The following NELL1 variants were observed in gnomAD, a reference collection of about 807,000 sequenced individuals.
The protein encoded by NELL1 is neural EGFL like 1.
In NELL1, 76 loss-of-function variants were observed where a neutral mutation model predicts 107.4. That is an observed-to-expected ratio of 0.71 (90% CI 0.59 to 0.86). The LOEUF (loss-of-function observed/expected upper bound fraction) is 0.86, where lower values mean the gene tolerates loss of function less well. NELL1 is among the 40% of genes least tolerant of loss of function. The pLI, the probability that NELL1 is intolerant of heterozygous loss-of-function variation, is 0.00. For missense variants in NELL1, 1,024 were observed against 1,005.5 expected (o/e 1.02, Z -0.25); for synonymous variants, 353 against 341.2 (o/e 1.03, Z -0.38).
chr11:21,013,926 T>G (rs1852507433), intron 12 of NELL1, among the ~76,000 whole-genome samples: 1 of 152,106 alleles, frequency 6.6e-6, no homozygotes, highest in Non-Finnish European at 1.5e-5. Flanking sequence ...TGGTCAGGTA[T>G]TTTTTTAGAA....
chr11:20,880,879 G>A (rs1849394997), intron 4 of NELL1, among the ~76,000 whole-genome samples: 1 of 152,140 alleles, frequency 6.6e-6, no homozygotes, highest in Non-Finnish European at 1.5e-5. Context: ...AAAGAGAAAA[G>A]AGATAAAGGG....
At chr11:21,413,184 G>C (rs571669092) in intron 15 of NELL1, among the ~76,000 whole-genome samples, 1 of 152,010 alleles carries the variant, frequency 6.6e-6, no homozygotes, top group East Asian at 1.9e-4. Context: ...TCAGTATCAC[G>C]ATGTGACAGA....
intron 18 of NELL1, 77 bp downstream of exon 18, chr11:21,571,017 G>A (rs377246164): frequency 2.1e-6 from 3 of 1,406,050 alleles, no homozygotes; most frequent in Non-Finnish European, 2.9e-6. Context: ...GTGGGACCTA[G>A]TTCCCAGTTT....
chr11:20,820,044 A>C (rs1440136434), intron 3 of NELL1, among the ~76,000 whole-genome samples: 1 of 152,138 alleles, frequency 6.6e-6, no homozygotes, highest in Non-Finnish European at 1.5e-5. Context: ...TGGAACTTGG[A>C]CCCTATATCA....
intron 14 of NELL1, among the ~76,000 whole-genome samples, chr11:21,353,129 A>G (rs1268221349): frequency 6.6e-6 from 1 of 152,176 alleles, no homozygotes; most frequent in Non-Finnish European, 1.5e-5. Context: ...CTCAGGAAAT[A>G]GTCAGACAAG....
intron 19 of NELL1, among the ~76,000 whole-genome samples, chr11:21,574,078 A>G (rs1414442613): frequency 2.0e-5 from 3 of 151,838 alleles, no homozygotes; most frequent in Admixed American, 1.3e-4. Flanking sequence ...CTGGAGTGGT[A>G]GCTGATTTGG....
chr11:21,483,455 T>C (rs1854542260), intron 15 of NELL1, among the ~76,000 whole-genome samples: 1 of 152,122 alleles, frequency 6.6e-6, no homozygotes, highest in South Asian at 2.1e-4. Context: ...CAGGGTTAAA[T>C]GTAGGTCTAG....
chr11:21,287,584 A>G (rs528745327), intron 14 of NELL1, among the ~76,000 whole-genome samples: 183 of 152,278 alleles, frequency 1.2e-3, no homozygotes, highest in African/African-American at 4.0e-3. Context: ...CAACAAGACT[A>G]TAACAGAATT....
intron 12 of NELL1, among the ~76,000 whole-genome samples, chr11:21,064,220 T>G (rs1853813641): frequency 6.6e-6 from 1 of 152,150 alleles, no homozygotes; most frequent in African/African-American, 2.4e-5. Flanking sequence ...TAGGCCATTG[T>G]GTAGTCTTTG....
At chr11:21,390,205 T>C (rs1191557481) in intron 15 of NELL1, among the ~76,000 whole-genome samples, 2 of 151,692 alleles carry the variant, frequency 1.3e-5, no homozygotes, top group African/African-American at 4.8e-5. Flanking sequence ...GCTTGTAAAG[T>C]ACCTATTTAA....
At chr11:20,747,445 A>G (rs1856029586) in intron 2 of NELL1, among the ~76,000 whole-genome samples, 1 of 152,196 alleles carries the variant, frequency 6.6e-6, no homozygotes, top group Non-Finnish European at 1.5e-5. Flanking sequence ...GATGGAATTC[A>G]GATGTCTTAG....
At chr11:21,526,397 G>T (rs560064771) in intron 15 of NELL1, among the ~76,000 whole-genome samples, 20 of 152,294 alleles carry the variant, frequency 1.3e-4, no homozygotes, top group African/African-American at 4.3e-4. Flanking sequence ...TGCAACTTTT[G>T]CAGATGTGTG....
chr11:21,167,895 C>G (rs1393084493), intron 13 of NELL1, among the ~76,000 whole-genome samples: 1 of 151,734 alleles, frequency 6.6e-6, no homozygotes. Flanking sequence ...TACAGAAAAC[C>G]AAATATGCCT....
At chr11:20,981,237 T>G (rs1851743464) in intron 12 of NELL1, among the ~76,000 whole-genome samples, 1 of 152,178 alleles carries the variant, frequency 6.6e-6, no homozygotes, top group Admixed American at 6.5e-5. Context: ...CATATGTATT[T>G]TGACAACTTT....
At chr11:21,404,842 G>C (rs1288549907) in intron 15 of NELL1, among the ~76,000 whole-genome samples, 1 of 152,036 alleles carries the variant, frequency 6.6e-6, no homozygotes, top group South Asian at 2.1e-4. Context: ...TCAGCCCTGG[G>C]GGCTTTCCTC....
At chr11:21,565,904 A>G (rs1424235468) in intron 17 of NELL1, among the ~76,000 whole-genome samples, 1 of 151,982 alleles carries the variant, frequency 6.6e-6, no homozygotes, top group Non-Finnish European at 1.5e-5. Flanking sequence ...TTGTAAAAAG[A>G]TTGGAAATCA....
At chr11:21,340,620 T>TACACACACACACACAC (rs71034506) in intron 14 of NELL1, among the ~76,000 whole-genome samples, 8 of 141,804 alleles carry the variant, frequency 5.6e-5, no homozygotes, top group Admixed American at 2.8e-4. Context: ...TATGACGGGT[T>TACACACACACACACAC]ACACACACAC....
At chr11:20,700,130 A>G (rs1353580558) in intron 2 of NELL1, among the ~76,000 whole-genome samples, 1 of 145,614 alleles carries the variant, frequency 6.9e-6, no homozygotes, top group Non-Finnish European at 1.5e-5. Flanking sequence ...TTTAGAAAAA[A>G]CAAAAACAAA....
At chr11:20,755,566 T>TG (rs1209578367) in intron 2 of NELL1, among the ~76,000 whole-genome samples, 1 of 123,110 alleles carries the variant, frequency 8.1e-6, no homozygotes, top group African/African-American at 3.2e-5. Context: ...GTTTTTGTTT[T>TG]TTTTTTTTTG....
Sources: gnomAD v4.1 joint callset for allele counts (sites outside exome capture counted in the v4.1 genomes callset) on GRCh38, gnomAD v4.1.1 for gene constraint, MANE v1.5 for transcripts, NCBI Gene and HGNC (gene_info 2026-07-23, HGNC 2026-07-21) for gene names.